FRK: variants seen among roughly 807,000 people sequenced by gnomAD.
FRK encodes the protein fyn related Src family tyrosine kinase, also known as tyrosine-protein kinase FRK.
Under a neutral mutation model 56.4 loss-of-function variants are expected in FRK, and 51 were observed. The ratio of observed to expected loss-of-function variants is 0.90; its 90% CI spans 0.72 to 1.14. FRK has a LOEUF of 1.14. Among genes scored for constraint, FRK ranks in the 50% most tolerant of loss-of-function variants. The probability of loss-of-function intolerance (pLI) is 0.00; values close to 1 mark genes in which losing one functional copy is unlikely to be tolerated. For synonymous variants in FRK, 245 were observed against 217.9 expected (o/e 1.12, Z -1.10); for missense variants, 570 against 601.4 (o/e 0.95, Z 0.55).
intron 2 of FRK, among the ~76,000 whole-genome samples, chr6:115,991,100 T>C (rs762080093): frequency 2.9e-4 from 44 of 151,956 alleles, no homozygotes; most frequent in Admixed American, 1.7e-3. Context: ...AAGATGCAAC[T>C]AATTTTTATA....
chr6:115,972,258 T>C (rs1011977689), intron 2 of FRK, among the ~76,000 whole-genome samples: 9 of 152,190 alleles, frequency 5.9e-5, no homozygotes, highest in Admixed American at 2.0e-4. Flanking sequence ...GACCCACTTA[T>C]GGTCCTGAGA....
chr6:115,946,266 T>C (rs1240733907), intron 5 of FRK, among the ~76,000 whole-genome samples: 2 of 151,804 alleles, frequency 1.3e-5, no homozygotes, highest in Non-Finnish European at 2.9e-5. Context: ...AGGGCCAGAC[T>C]TTAAATCAAG....
At chr6:116,046,599 G>T (rs964119589) in intron 1 of FRK, among the ~76,000 whole-genome samples, 6 of 152,126 alleles carry the variant, frequency 3.9e-5, no homozygotes, top group African/African-American at 1.4e-4. Context: ...TGTGGACACA[G>T]TGAGGGGAAC....
chr6:115,943,034 T>C lies in FRK; in HGVS notation c.1292A>G (p.Lys431Arg), dbSNP rs1301397524. The C allele has an allele frequency of 1.2e-6, 2 of 1,611,810 alleles. No individual in the cohort carries two copies. The highest frequency in any genetic ancestry group is 1.7e-6 in the Non-Finnish European group (2 of 1,179,246). The change falls in exon 7 of 8, where the codon AAA becomes AGA. Residue 431 changes from lysine to arginine, a missense_variant. Transcript: ENST00000606080. ...ILLYEIITYG[K>R]MPYSGMTGAQ... ...TAATTACTCACCACTGTAAGGCATT[T>C]TGCCATAAGTAATGATTTCATAAAG...
intron 1 of FRK, among the ~76,000 whole-genome samples, chr6:116,020,417 G>A (rs548162646): frequency 2.0e-5 from 3 of 151,906 alleles, no homozygotes; most frequent in East Asian, 3.9e-4. Flanking sequence ...TCAGCCTCCC[G>A]AGTAGCTAGG....
Position 115,955,375 on chromosome 6 carries a change from G to C in FRK, c.958+1077C>G, listed in dbSNP as rs1397008517. 3.3e-5 allele frequency among the ~76,000 whole-genome samples: 5 copies of C among 152,130 alleles called. No individual in the cohort carries two copies. The East Asian group carries it at 7.7e-4, about 23-fold the overall frequency. On this transcript the variant is annotated intron_variant, in intron 5 of 7. Transcript: ENST00000606080. ...ATGTAATTATGTGAATATTATTAAG[G>C]ACCTTTATAAAGCATTTTTTGTTAG...
chr6:116,065,610 A>G (rs548367273), upstream of FRK, among the ~76,000 whole-genome samples: 1 of 152,288 alleles, frequency 6.6e-6, no homozygotes, highest in Admixed American at 6.5e-5. Context: ...GAATCGAATA[A>G]AATGTCTCTG....
At chr6:115,999,872 T>C (rs1261500145) in intron 2 of FRK, among the ~76,000 whole-genome samples, 1 of 152,198 alleles carries the variant, frequency 6.6e-6, no homozygotes, top group East Asian at 1.9e-4. Context: ...TTTCTTTCAG[T>C]AGAACATAAT....
chr6:115,975,480 T>C (rs571725838), intron 2 of FRK, among the ~76,000 whole-genome samples: 1 of 152,298 alleles, frequency 6.6e-6, no homozygotes, highest in Admixed American at 6.5e-5. Flanking sequence ...AGTGGTGAGT[T>C]CATATGCTTG....
chr6:116,051,672 T>C (rs1777183624), intron 1 of FRK, among the ~76,000 whole-genome samples: 1 of 152,152 alleles, frequency 6.6e-6, no homozygotes, highest in Non-Finnish European at 1.5e-5. Context: ...GCTATTAATC[T>C]ATATAACTAC....
chr6:115,960,396 G>A (rs1259363769), intron 4 of FRK, among the ~76,000 whole-genome samples: 9 of 150,804 alleles, frequency 6.0e-5, no homozygotes, highest in South Asian at 2.1e-4. Context: ...AGGGTCCTAC[G>A]CCCACGGAAT....
chr6:115,999,516 C>T, intron 2 of FRK, among the ~76,000 whole-genome samples: 1 of 152,190 alleles, frequency 6.6e-6, no homozygotes. Context: ...ATAAATCATG[C>T]ACCCTCATGA....
Position 115,931,700 on chromosome 6 carries a change from A to G in FRK, c.*10714T>C, listed in dbSNP as rs559878548. On this transcript the variant is annotated 3_prime_UTR_variant, in exon 8 of 8. Coordinates refer to ENST00000606080, the MANE Select transcript of FRK (RefSeq NM_002031.3). ...AAATTTTGTGGACCATAAAAATTAA[A>G]TGTAACTTGGTTAATACCAAGCAGT... is the stretch of plus-strand genomic sequence containing the variant. 87 of 152,348 alleles carry G rather than the reference A, an allele frequency of 5.7e-4. No individual in the cohort carries two copies. Among genetic ancestry groups the G allele is most frequent in the African/African-American group, 2.0e-3 (82 of 41,592 alleles). The allele number at this position is 152,348 out of a possible 1,614,324, so 9.4% of individuals were successfully genotyped here.
At chr6:116,071,279 T>C in the FRK span, among the ~76,000 whole-genome samples, 2 of 152,186 alleles carry the variant, frequency 1.3e-5, no homozygotes, top group Non-Finnish European at 2.9e-5. Flanking sequence ...AGAAAGTCTG[T>C]AATATGTGCT....
intron 2 of FRK, among the ~76,000 whole-genome samples, chr6:115,979,718 A>G (rs1774128092): frequency 6.6e-6 from 1 of 152,120 alleles, no homozygotes; most frequent in African/African-American, 2.4e-5. Context: ...AATATTTTAA[A>G]CCATGTTGTT....
At chr6:116,017,362 C>A (rs2114726956) in intron 1 of FRK, among the ~76,000 whole-genome samples, 1 of 152,280 alleles carries the variant, frequency 6.6e-6, no homozygotes, top group Middle Eastern at 3.4e-3. Context: ...CTGTTCAAAC[C>A]CTGTTCAAAA....
In FRK at chr6:115,932,455, G is replaced by A. The variant is rs1449917753; in HGVS notation, c.*9959C>T. ...AAAAAACAAGAATCAAACATTGTCAGATCAGCCCACTGGCAATTCCAATAC... is the reference window on the plus strand; with the variant it reads ...AAAAAACAAGAATCAAACATTGTCAAATCAGCCCACTGGCAATTCCAATAC... On this transcript the variant is annotated 3_prime_UTR_variant, in exon 8 of 8. Coordinates refer to ENST00000606080, the MANE Select transcript of FRK (RefSeq NM_002031.3). 4 of 152,120 alleles carry A rather than the reference G, an allele frequency of 2.6e-5. No homozygotes were observed. The highest frequency in any genetic ancestry group is 5.9e-5 in the Non-Finnish European group (4 of 68,014). The allele number at this position is 152,120 out of a possible 1,614,324, so 9.4% of individuals were successfully genotyped here.
chr6:116,044,780 G>A (rs1234926005), intron 1 of FRK, among the ~76,000 whole-genome samples: 1 of 152,348 alleles, frequency 6.6e-6, no homozygotes, highest in East Asian at 1.9e-4. Context: ...AATAGGAAGA[G>A]AGGAAGTCAA....
At chr6:116,052,307 A>T (rs542470963) in intron 1 of FRK, among the ~76,000 whole-genome samples, 1 of 152,300 alleles carries the variant, frequency 6.6e-6, no homozygotes, top group East Asian at 1.9e-4. Context: ...TGAATAAAAA[A>T]TAGCTTATGC....
Sources: allele counts gnomAD v4.1 joint callset (sites outside exome capture counted in the v4.1 genomes callset), GRCh38; gene constraint gnomAD v4.1.1; transcripts MANE v1.5; gene names NCBI Gene and HGNC (gene_info 2026-07-23, HGNC 2026-07-21).